Variants in RASAL1 observed in about 807,000 individuals in gnomAD.
The protein encoded by RASAL1 is rasGAP-activating-like protein 1.
In RASAL1, 72 loss-of-function variants were observed where a neutral mutation model predicts 96.6. The observed-to-expected ratio is 0.75, with a 90% CI of 0.62 to 0.91. The LOEUF (loss-of-function observed/expected upper bound fraction) is 0.91, where lower values mean the gene tolerates loss of function less well. RASAL1 is among the 40% of genes least tolerant of loss of function. RASAL1 has a pLI of 0.00. For missense variants in RASAL1, 1,016 were observed against 1,072.5 expected (o/e 0.95, Z 0.74); for synonymous variants, 405 against 430.4 (o/e 0.94, Z 0.73).
chr12:113,125,258 A>T (rs1951438198), intron 4 of RASAL1, among the ~76,000 whole-genome samples: 1 of 152,146 alleles, frequency 6.6e-6, no homozygotes, highest in Non-Finnish European at 1.5e-5. Flanking sequence ...GAAAAATATG[A>T]GATTAAATAT....
In RASAL1 at chr12:113,130,758, C is replaced by A; in HGVS notation, c.122+127G>T. 1 of 723,876 alleles carries A rather than the reference C, an allele frequency of 1.4e-6. No homozygotes were observed. Among genetic ancestry groups the A allele is most frequent in the Non-Finnish European group, 2.3e-6 (1 of 443,344 alleles). The allele number at this position is 723,876 out of a possible 1,614,324, so 44.8% of individuals were successfully genotyped here. On this transcript the variant is annotated intron_variant, in intron 2 of 20. Transcript: ENST00000548055. The surrounding 1 kb of genome is among the most constrained non-coding windows in gnomAD (Gnocchi z 5.1). ...CAGTCCCAGCTGGACACAAATCACCCACCTGCAGGCCCGCGAGTCCCCCTC... is the reference window on the plus strand; with the variant it reads ...CAGTCCCAGCTGGACACAAATCACCAACCTGCAGGCCCGCGAGTCCCCCTC...
At chr12:113,118,873 C>T (rs1267708871) in intron 7 of RASAL1, among the ~76,000 whole-genome samples, 2 of 152,214 alleles carry the variant, frequency 1.3e-5, no homozygotes, top group Non-Finnish European at 2.9e-5. Flanking sequence ...AGTCATCTGT[C>T]ATGCTCTCAT....
At position 113,135,269 on chromosome 12, in the gene RASAL1, C is replaced by A; in HGVS notation, c.65+129G>T. 1.2e-6 allele frequency: 1 copy of A among 857,260 alleles called. No homozygotes were observed. The highest frequency in any genetic ancestry group is 1.7e-5 in the South Asian group (1 of 58,488). The allele number at this position is 857,260 out of a possible 1,614,324, so 53.1% of individuals were successfully genotyped here. A position where few individuals can be genotyped will look rare whatever the true frequency, so the allele number is the denominator to read the frequency against. On this transcript the variant is annotated intron_variant, in intron 1 of 20. Transcript: ENST00000548055. This position sits in a 1 kb window ranked among gnomAD's most constrained non-coding sequence, Gnocchi z 5.7. Reference sequence around the variant, plus strand: ...TCTCGCCCCTTTAAAGCGGAACTGCCCCAAGACCAGTCTTGGACAAGAACC... The same window carrying A: ...TCTCGCCCCTTTAAAGCGGAACTGCACCAAGACCAGTCTTGGACAAGAACC...
chr12:113,104,093 G>A lies in RASAL1; in HGVS notation c.1969-12C>T. 1 of 1,577,984 alleles carries A rather than the reference G, an allele frequency of 6.3e-7. No homozygotes were observed. The highest frequency in any genetic ancestry group is 8.7e-7 in the Non-Finnish European group (1 of 1,155,844). ...AGCTCATTCACATTCTGCAGCGGGT[G>A]GGAGGCGATCAGGGGGCGGGTGGGA... On this transcript the variant is annotated splice_polypyrimidine_tract_variant and intron_variant, in intron 17 of 20. Transcript: ENST00000548055.
rs771246357 is a variant in RASAL1 at position 113,107,134 on chromosome 12, G to T, written c.1620C>A (p.Asp540Glu). Residue 540 changes from aspartate to glutamate, a missense_variant, in exon 15 of 21, where the codon GAC becomes GAA. Coordinates refer to ENST00000548055, the MANE Select transcript of RASAL1 (RefSeq NM_001301202.2). ...FLLQCVSRVR[D>E]FLDRLVDVDG... ...CCACATCCACCAGCCGGTCCAGGAA[G>T]TCTCTCACACGTGAGACACACTGCA... 5.1e-5 allele frequency: 82 copies of T among 1,613,578 alleles called. No individual in the cohort carries two copies. The highest frequency in any genetic ancestry group is 6.9e-5 in the Non-Finnish European group (81 of 1,179,762).
In RASAL1 at chr12:113,131,964, T is replaced by C. The variant is rs56340203; in HGVS notation, c.66-1023A>G. Among the ~76,000 whole-genome samples the C allele has an allele frequency of 8.1e-3, 1,191 of 147,150 alleles. 22 individuals carry two copies. Among genetic ancestry groups the C allele is most frequent in the African/African-American group, 0.026 (1,054 of 39,944 alleles). On this transcript the variant is annotated intron_variant, in intron 1 of 20. Transcript: ENST00000548055. Reference sequence around the variant, plus strand: ...AAATCATCTTCTTTCTTCTTCTTCTTCTTCTTTTTTTTTTTTTTTTTTTTT... The same window carrying C: ...AAATCATCTTCTTTCTTCTTCTTCTCCTTCTTTTTTTTTTTTTTTTTTTTT...
chr12:113,114,687 G>C, intron 12 of RASAL1, 113 bp downstream of exon 12: 1 of 844,530 alleles, frequency 1.2e-6, no homozygotes, highest in South Asian at 1.5e-5. Flanking sequence ...CCGAGCTCCT[G>C]AGCAGCTGTA....
rs370491950 is a variant in RASAL1 at position 113,130,964 on chromosome 12, G to A, written c.66-23C>T. On this transcript the variant is annotated intron_variant, in intron 1 of 20. Coordinates refer to ENST00000548055, the MANE Select transcript of RASAL1 (RefSeq NM_001301202.2). This position sits in a 1 kb window ranked among gnomAD's most constrained non-coding sequence, Gnocchi z 5.1. Reference sequence around the variant, plus strand: ...GACCTGCAGAAGGAGGGAGTTCAGGGAGGAAGCAGGTTGAGAGGGCAGCCA... The same window carrying A: ...GACCTGCAGAAGGAGGGAGTTCAGGAAGGAAGCAGGTTGAGAGGGCAGCCA... The A allele has an allele frequency of 3.2e-5, 52 of 1,607,020 alleles. No homozygotes were observed. The African/African-American group carries it at 3.7e-4, about 12-fold the overall frequency.
chr12:113,107,211 G>T lies in RASAL1; in HGVS notation c.1543C>A (p.Gln515Lys). ...AVQSIGNLGQ[Q>K]LGQGKELWMA... ...CACAGTTCCTTGCCTTGGCCCAGCTGCTGGCCCAGGTTTCCAATGCTCTGC... is the reference window on the plus strand; with the variant it reads ...CACAGTTCCTTGCCTTGGCCCAGCTTCTGGCCCAGGTTTCCAATGCTCTGC... The change falls in exon 15 of 21, where the codon CAG (glutamine) becomes AAG (lysine). Residue 515 changes from glutamine to lysine, a missense_variant. By Grantham distance (53) the Gln-to-Lys change is moderately conservative. Transcript: ENST00000548055. The T allele has an allele frequency of 6.2e-7, 1 of 1,611,486 alleles. No individual in the cohort carries two copies. The highest frequency in any genetic ancestry group is 8.5e-7 in the Non-Finnish European group (1 of 1,178,568).
intron 18 of RASAL1, chr12:113,103,012 TC>T: frequency 3.6e-6 from 1 of 280,954 alleles, no homozygotes; most frequent in Non-Finnish European, 7.0e-6. Flanking sequence ...CAGCACCTCC[TC>T]CAGGAAGCCC....
Position 113,115,351 on chromosome 12 carries a change from T to A in RASAL1, c.1004-87A>T. The A allele has an allele frequency of 7.6e-7, 1 of 1,314,562 alleles. No homozygotes were observed. The highest frequency in any genetic ancestry group is 1.1e-6 in the Non-Finnish European group (1 of 909,012). The allele number at this position is 1,314,562 out of a possible 1,614,324, so 81.4% of individuals were successfully genotyped here. A position where few individuals can be genotyped will look rare whatever the true frequency, so the allele number is the denominator to read the frequency against. On this transcript the variant is annotated intron_variant, in intron 10 of 20. Coordinates refer to ENST00000548055, the MANE Select transcript of RASAL1 (RefSeq NM_001301202.2). This position sits in a 1 kb window ranked among gnomAD's most constrained non-coding sequence, Gnocchi z 4.1. ...CACCCAAGGTGGGAGTCATGATTCT[T>A]CCAGCCCCAAGAATCAGGAAGACCC... is the stretch of plus-strand genomic sequence containing the variant.
rs183802200 is a variant in RASAL1, at chr12:113,129,603, C to A, written c.122+1282G>T. On this transcript the variant is annotated intron_variant, in intron 2 of 20. Coordinates refer to ENST00000548055, the MANE Select transcript of RASAL1 (RefSeq NM_001301202.2). This position sits in a 1 kb window ranked among gnomAD's most constrained non-coding sequence, Gnocchi z 5.0. The stretch of plus-strand genomic sequence containing the variant: ...CAGCAGAGAACAGATTCTACTTGCC[C>A]GGTAAAGACACACCCACATTTGTGG... Among the ~76,000 whole-genome samples, 3 of 152,306 alleles carry A rather than the reference C, an allele frequency of 2.0e-5. No individual in the cohort carries two copies. In the East Asian group the frequency reaches 5.8e-4, roughly 29 times the overall value.
chr12:113,110,867 A>G (rs1242526471), intron 13 of RASAL1, among the ~76,000 whole-genome samples: 5 of 152,192 alleles, frequency 3.3e-5, no homozygotes, highest in Non-Finnish European at 7.4e-5. Context: ...GTGAGCTATG[A>G]TTGTGCCACT....
chr12:113,132,913 T>C (rs997121426), intron 1 of RASAL1, among the ~76,000 whole-genome samples: 4 of 152,178 alleles, frequency 2.6e-5, no homozygotes, highest in South Asian at 2.1e-4. Context: ...CCCAAATCCA[T>C]TGGAGCCTCA....
At chr12:113,119,520 A>C in intron 5 of RASAL1, 77 bp from the exon 6 acceptor site, 352 of 1,339,332 alleles carry the variant, frequency 2.6e-4, no homozygotes, top group Non-Finnish European at 3.4e-4. Flanking sequence ...AGAGTAGATC[A>C]TTCCAATGTC....
intron 13 of RASAL1, among the ~76,000 whole-genome samples, chr12:113,109,250 C>A (rs1950773272): frequency 6.6e-6 from 1 of 152,088 alleles, no homozygotes; most frequent in African/African-American, 2.4e-5. Flanking sequence ...GGAGCCCTCA[C>A]TAAGTATTAG....
At chr12:113,117,922 A>G (rs1346589688) in intron 7 of RASAL1, among the ~76,000 whole-genome samples, 1 of 152,196 alleles carries the variant, frequency 6.6e-6, no homozygotes, top group East Asian at 1.9e-4. Flanking sequence ...CCATGAGCTA[A>G]TTACTATAAA....
Position 113,114,865 on chromosome 12 carries a change from G to A in RASAL1, c.1116C>T (p.Ser372=). ...TGTACTTCTTCTCCTCAAAGACACG[G>A]CTAATCACAGGCTTCAGGACCTCGT... ...YLHEVLKPVI[S]RVFEEKKYME... Residue 372 remains serine (S), a synonymous_variant, in exon 12 of 21, where the codon AGC becomes AGT. Coordinates refer to ENST00000548055, the MANE Select transcript of RASAL1 (RefSeq NM_001301202.2). 6.2e-7 allele frequency: 1 copy of A among 1,614,148 alleles called. No homozygotes were observed. Among genetic ancestry groups the A allele is most frequent in the South Asian group, 1.1e-5 (1 of 91,082 alleles).
Position 113,104,271 on chromosome 12 carries a change from TG to T in RASAL1, c.1857del (p.His619GlnfsTer8). ...WQMCHSIPVSHIRAVERVDEG... is the reference protein window; with the variant it reads ...WQMCHSIPVSXIRAVERVDEG... Reference sequence around the variant, plus strand: ...TCGTCTACGCGCTCCACGGCGCGGATGTGAGACACGGGGATGGAGTGACACA... The same window carrying T: ...TCGTCTACGCGCTCCACGGCGCGGATTGAGACACGGGGATGGAGTGACACA... On this transcript the variant is annotated frameshift_variant, in exon 17 of 21. Transcript: ENST00000548055. LOFTEE classifies it high-confidence loss of function. 1.8e-5 allele frequency: 29 copies of T among 1,583,770 alleles called. No individual in the cohort carries two copies. The highest frequency in any genetic ancestry group is 2.5e-5 in the Non-Finnish European group (29 of 1,165,086).
Sources: allele counts gnomAD v4.1 joint callset (sites outside exome capture counted in the v4.1 genomes callset), GRCh38; gene constraint gnomAD v4.1.1; non-coding constraint Gnocchi (gnomAD v3.1); transcripts MANE v1.5; gene names NCBI Gene and HGNC (gene_info 2026-07-23, HGNC 2026-07-21).